The following TMEM184C variants were observed in gnomAD, a reference collection of about 807,000 sequenced individuals.
TMEM184C encodes transmembrane protein 184C.
In TMEM184C, 25 loss-of-function variants were observed where a neutral mutation model predicts 54.5. That is an observed-to-expected ratio of 0.46 (90% CI 0.33 to 0.64). The LOEUF (loss-of-function observed/expected upper bound fraction) is 0.64, where lower values mean the gene tolerates loss of function less well. TMEM184C is among the 30% of genes least tolerant of loss of function. TMEM184C has a pLI of 0.02. For missense variants in TMEM184C, 335 were observed against 520.3 expected (o/e 0.64, Z 3.46); for synonymous variants, 148 against 181.5 (o/e 0.82, Z 1.49).
At chr4:147,619,929 T>C (rs1267234926) in intron 1 of TMEM184C, among the ~76,000 whole-genome samples, 1 of 152,206 alleles carries the variant, frequency 6.6e-6, no homozygotes, top group Admixed American at 6.5e-5. Flanking sequence ...TATTCCTCAC[T>C]GTGGCCATCA....
At chr4:147,623,773 T>A in intron 1 of TMEM184C, 61 bp from the exon 2 acceptor site, 1 of 1,557,824 alleles carries the variant, frequency 6.4e-7, no homozygotes, top group Non-Finnish European at 8.8e-7. Flanking sequence ...GCACTGAGCC[T>A]GGCCAAGCTC....
In TMEM184C at chr4:147,634,678, G is replaced by A; in HGVS notation, c.*244G>A. On this transcript the variant is annotated 3_prime_UTR_variant, in exon 10 of 10. Transcript: ENST00000296582. ...ATCGCATACTCAAATGGTAGACAAT[G>A]ACCCCAACTAAATCTTCCTGATGTT... The A allele has an allele frequency of 2.3e-6, 1 of 429,340 alleles. No individual in the cohort carries two copies. Among genetic ancestry groups the A allele is most frequent in the Non-Finnish European group, 4.1e-6 (1 of 242,458 alleles). 26.6% of individuals were successfully genotyped at this position (429,340 alleles called of 1,614,324 possible). A position where few individuals can be genotyped will look rare whatever the true frequency, so the allele number is the denominator to read the frequency against.
intron 5 of TMEM184C, 124 bp downstream of exon 5, chr4:147,628,559 A>G: frequency 1.3e-6 from 1 of 758,882 alleles, no homozygotes; most frequent in South Asian, 1.8e-5. Flanking sequence ...GTTGTAAAAA[A>G]AAACACTGTA....
intron 1 of TMEM184C, among the ~76,000 whole-genome samples, chr4:147,618,671 G>A (rs1179246751): frequency 6.6e-6 from 1 of 152,050 alleles, no homozygotes; most frequent in Admixed American, 6.5e-5. Context: ...CTTTAAATTC[G>A]GAGTTAATAA....
At chr4:147,633,114 A>C (rs934339271) in intron 8 of TMEM184C, 112 bp downstream of exon 8, 1 of 810,076 alleles carries the variant, frequency 1.2e-6, no homozygotes, top group African/African-American at 1.7e-5. Context: ...TCCTCACTTT[A>C]CAGGTGAGAA....
In TMEM184C at chr4:147,635,929, A is replaced by C. The variant is rs548102622; in HGVS notation, c.*1495A>C. 3.9e-5 allele frequency: 6 copies of C among 152,304 alleles called. No homozygotes were observed. The highest frequency in any genetic ancestry group is 1.4e-4 in the African/African-American group (6 of 41,582). 9.4% of individuals were successfully genotyped at this position (152,304 alleles called of 1,614,324 possible). On this transcript the variant is annotated 3_prime_UTR_variant, in exon 10 of 10. Coordinates refer to ENST00000296582, the MANE Select transcript of TMEM184C (RefSeq NM_018241.3). Reference sequence around the variant, plus strand: ...ATACTTACTTAGGAATAAATTTAACACCAAGGCAGTAAAAGATCTGTATGT... The same window carrying C: ...ATACTTACTTAGGAATAAATTTAACCCCAAGGCAGTAAAAGATCTGTATGT...
intron 1 of TMEM184C, among the ~76,000 whole-genome samples, chr4:147,619,617 A>G (rs1732669228): frequency 1.3e-5 from 2 of 152,248 alleles, no homozygotes; most frequent in African/African-American, 4.8e-5. Context: ...CTTAATACAA[A>G]TGGGATTTTC....
rs1459295134 is a variant in TMEM184C, at chr4:147,635,292, G to A, written c.*858G>A. ...CTTAATATTTTAACAAAAATTTCTT[G>A]ATTAGAGGCACAGTGAAAAAGAAGT... is the stretch of plus-strand genomic sequence containing the variant. On this transcript the variant is annotated 3_prime_UTR_variant, in exon 10 of 10. Coordinates refer to ENST00000296582, the MANE Select transcript of TMEM184C (RefSeq NM_018241.3). 2.0e-5 allele frequency: 3 copies of A among 151,712 alleles called. No homozygotes were observed. The highest frequency in any genetic ancestry group is 1.9e-4 in the East Asian group (1 of 5,170). 9.4% of individuals were successfully genotyped at this position (151,712 alleles called of 1,614,324 possible). A position where few individuals can be genotyped will look rare whatever the true frequency, so the allele number is the denominator to read the frequency against.
chr4:147,635,444 C>CTT lies in TMEM184C; in HGVS notation c.*1014_*1015dup, dbSNP rs774034717. 5.3e-5 allele frequency: 8 copies of CTT among 152,236 alleles called. No homozygotes were observed. Among genetic ancestry groups the CTT allele is most frequent in the African/African-American group, 1.9e-4 (8 of 41,548 alleles). 9.4% of individuals were successfully genotyped at this position (152,236 alleles called of 1,614,324 possible). On this transcript the variant is annotated 3_prime_UTR_variant, in exon 10 of 10. Coordinates refer to ENST00000296582, the MANE Select transcript of TMEM184C (RefSeq NM_018241.3). ...GACATATAGGTGCTATTTGGGAAAACTTTTTATTACCTAGGATGGGGTTTC... is the reference window on the plus strand; with the variant it reads ...GACATATAGGTGCTATTTGGGAAAACTTTTTTTATTACCTAGGATGGGGTTTC...
At chr4:147,619,177 C>CTTG (rs200028902) in intron 1 of TMEM184C, among the ~76,000 whole-genome samples, 1,726 of 147,642 alleles carry the variant, frequency 0.012, 27 homozygotes, top group South Asian at 0.039. Flanking sequence ...CATATACTTA[C>CTTG]TTGTTGTTGT....
At position 147,623,972 on chromosome 4, in the gene TMEM184C, TTAA is replaced by T. The variant is rs777306277; in HGVS notation, c.254+13_254+15del. 1.2e-6 allele frequency: 2 copies of T among 1,613,706 alleles called. No individual in the cohort carries two copies. The highest frequency in any genetic ancestry group is 1.7e-6 in the Non-Finnish European group (2 of 1,179,790). ...ACAAAAACCAATAATAAGGTATGTC[TTAA>T]TAATTTTGATTCCACTACTGTTGTG... On this transcript the variant is annotated intron_variant, in intron 2 of 9. Transcript: ENST00000296582.
intron 1 of TMEM184C, among the ~76,000 whole-genome samples, chr4:147,622,143 A>G (rs559705217): frequency 6.6e-6 from 1 of 151,978 alleles, no homozygotes; most frequent in South Asian, 2.1e-4. Flanking sequence ...GAGTTTTGCC[A>G]TGTTGCCCAC....
rs149886414 is a variant in TMEM184C, at chr4:147,620,389, C to T, written c.123+2310C>T. ...TGGAGACAAAAGGGACCAACAAAAA[C>T]AAATCAATAAAATTGTATAAAATGC... On this transcript the variant is annotated intron_variant, in intron 1 of 9. Coordinates refer to ENST00000296582, the MANE Select transcript of TMEM184C (RefSeq NM_018241.3). Among the ~76,000 whole-genome samples the T allele has an allele frequency of 3.0e-3, 449 of 152,188 alleles. 3 individuals carry two copies. The highest frequency in any genetic ancestry group is 9.8e-3 in the African/African-American group (407 of 41,500).
intron 8 of TMEM184C, 152 bp downstream of exon 8, chr4:147,633,154 A>G: frequency 1.7e-6 from 1 of 578,726 alleles, no homozygotes; most frequent in East Asian, 2.9e-5. Context: ...AATTGGCCAT[A>G]ATTACTAATT....
At chr4:147,625,045 T>G in intron 4 of TMEM184C, 36 bp downstream of exon 4, 1 of 1,608,100 alleles carries the variant, frequency 6.2e-7, no homozygotes. Context: ...TATGTTTTGG[T>G]TTTTCATTTA....
chr4:147,628,311 G>C (rs1216824277), intron 4 of TMEM184C, 50 bp from the exon 5 acceptor site: 1 of 1,439,854 alleles, frequency 6.9e-7, no homozygotes, highest in Admixed American at 2.0e-5. Flanking sequence ...GGGAAAATCT[G>C]ATGCTATTTA....
chr4:147,634,457 G>C lies in TMEM184C; in HGVS notation c.*23G>C, dbSNP rs770089016. The C allele has an allele frequency of 5.6e-6, 9 of 1,608,244 alleles. No homozygotes were observed. The highest frequency in any genetic ancestry group is 1.3e-5 in the African/African-American group (1 of 74,692). ...TGAACAGTATGGAAAAGCAAACTGTGCAACTACTACATTATATCATTACCT... is the reference window on the plus strand; with the variant it reads ...TGAACAGTATGGAAAAGCAAACTGTCCAACTACTACATTATATCATTACCT... On this transcript the variant is annotated 3_prime_UTR_variant, in exon 10 of 10. Coordinates refer to ENST00000296582, the MANE Select transcript of TMEM184C (RefSeq NM_018241.3).
At position 147,624,790 on chromosome 4, in the gene TMEM184C, G is replaced by A. The variant is rs1732782721; in HGVS notation, c.292-14G>A. ...TTAGCTGCAACTATCTTTAACATCT[G>A]TGCTTTTTCATAGTGGATAGCTTTG... On this transcript the variant is annotated splice_polypyrimidine_tract_variant and intron_variant, in intron 3 of 9. Coordinates refer to ENST00000296582, the MANE Select transcript of TMEM184C (RefSeq NM_018241.3). 1.9e-6 allele frequency: 3 copies of A among 1,611,096 alleles called. No individual in the cohort carries two copies. The highest frequency in any genetic ancestry group is 2.5e-6 in the Non-Finnish European group (3 of 1,177,644).
chr4:147,627,957 G>A (rs1482017093), intron 4 of TMEM184C, among the ~76,000 whole-genome samples: 3 of 150,642 alleles, frequency 2.0e-5, no homozygotes, highest in Non-Finnish European at 1.5e-5. Flanking sequence ...GAGCCCAGGA[G>A]GTCAAGAGTA....
Sources: allele counts gnomAD v4.1 joint callset (sites outside exome capture counted in the v4.1 genomes callset), GRCh38; gene constraint gnomAD v4.1.1; transcripts MANE v1.5; gene names NCBI Gene and HGNC (gene_info 2026-07-23, HGNC 2026-07-21).